The following GALNT13 variants were observed in gnomAD, a reference collection of about 807,000 sequenced individuals.
GALNT13 encodes the protein UDP-GalNAc:polypeptide N-acetylgalactosaminyltransferase 13.
A neutral mutation model predicts 64.2 loss-of-function variants in GALNT13; 28 were observed. The observed-to-expected ratio is 0.44, with a 90% CI of 0.32 to 0.60. The LOEUF (loss-of-function observed/expected upper bound fraction) is 0.60. GALNT13 is among the 20% of genes least tolerant of loss of function. The pLI, the probability that GALNT13 is intolerant of heterozygous loss-of-function variation, is 0.05. For synonymous variants in GALNT13, 214 were observed against 224.6 expected (o/e 0.95, Z 0.42); for missense variants, 577 against 669.8 (o/e 0.86, Z 1.53).
chr2:154,416,496 G>A (rs1700012986), intron 11 of GALNT13, among the ~76,000 whole-genome samples: 1 of 151,742 alleles, frequency 6.6e-6, no homozygotes, highest in African/African-American at 2.4e-5. Context: ...TTGGGAGGGG[G>A]GACTCAAACG....
intron 12 of GALNT13, chr2:154,445,729 C>T: frequency 3.1e-6 from 3 of 954,218 alleles, no homozygotes; most frequent in Non-Finnish European, 4.3e-6. Context: ...ATTAAGCTGC[C>T]TGAGAGAAGT....
the GALNT13 span, among the ~76,000 whole-genome samples, chr2:153,252,110 C>T: frequency 6.7e-6 from 1 of 148,738 alleles, no homozygotes; most frequent in African/African-American, 2.5e-5. Flanking sequence ...GTTCCTATTT[C>T]TCCACATCCT....
the GALNT13 span, among the ~76,000 whole-genome samples, chr2:153,397,322 A>T: frequency 6.6e-6 from 1 of 152,070 alleles, no homozygotes; most frequent in Non-Finnish European, 1.5e-5. Context: ...GAGTTCACAT[A>T]TTTTATTTTT....
chr2:153,572,428 T>A, the GALNT13 span, among the ~76,000 whole-genome samples: 1 of 151,734 alleles, frequency 6.6e-6, no homozygotes, highest in Non-Finnish European at 1.5e-5. Context: ...TCTTTTGTAC[T>A]TTCAATTTTA....
At chr2:153,309,358 T>C in the GALNT13 span, among the ~76,000 whole-genome samples, 1 of 152,190 alleles carries the variant, frequency 6.6e-6, no homozygotes, top group Non-Finnish European at 1.5e-5. Flanking sequence ...TTCTATAACA[T>C]GTACAAGTCC....
upstream of GALNT13, among the ~76,000 whole-genome samples, chr2:153,870,018 A>C (rs1302315144): frequency 6.6e-6 from 1 of 151,984 alleles, no homozygotes; most frequent in African/African-American, 2.4e-5. Flanking sequence ...TGAGTCCCAC[A>C]CCCTCAAGAC....
chr2:153,376,245 G>A, the GALNT13 span, among the ~76,000 whole-genome samples: 2 of 152,162 alleles, frequency 1.3e-5, no homozygotes, highest in South Asian at 4.1e-4. Context: ...CTTAAGGAAG[G>A]AAGATATGAT....
the GALNT13 span, among the ~76,000 whole-genome samples, chr2:153,140,460 A>G: frequency 1.3e-5 from 2 of 152,162 alleles, no homozygotes; most frequent in South Asian, 4.1e-4. Context: ...AGGTGAAGAA[A>G]CTGAAACAGG....
the GALNT13 span, among the ~76,000 whole-genome samples, chr2:153,855,903 A>G: frequency 6.6e-6 from 1 of 152,222 alleles, no homozygotes; most frequent in Non-Finnish European, 1.5e-5. Context: ...ATAAAAAGGA[A>G]TAAGTGCTGA....
the GALNT13 span, among the ~76,000 whole-genome samples, chr2:153,402,949 A>G: frequency 7.2e-5 from 11 of 152,114 alleles, no homozygotes; most frequent in African/African-American, 2.2e-4. Context: ...TTCTCCATCC[A>G]GCTTTGTTCC....
intron 1 of GALNT13, among the ~76,000 whole-genome samples, chr2:153,886,369 C>A (rs1031094326): frequency 1.6e-4 from 25 of 151,832 alleles, no homozygotes; most frequent in South Asian, 2.1e-4. Context: ...CCACTCCCCC[C>A]ACCCCGCAAC....
At chr2:153,472,401 T>A in the GALNT13 span, among the ~76,000 whole-genome samples, 1 of 152,348 alleles carries the variant, frequency 6.6e-6, no homozygotes, top group East Asian at 1.9e-4. Flanking sequence ...CTTACTCTTG[T>A]GGGTAGAGTA....
At position 154,357,327 on chromosome 2, in the gene GALNT13, T is replaced by G. The variant is rs559335615; in HGVS notation, c.1157-38664T>G. On this transcript the variant is annotated intron_variant, in intron 9 of 12. Transcript: ENST00000392825. ...GCTATATTTTGTAATTAAAATATTT[T>G]GTATTACTGGTGAGTATTAACCTTT... 3.3e-5 allele frequency among the ~76,000 whole-genome samples: 5 copies of G among 152,246 alleles called. No homozygotes were observed. In the South Asian group the frequency reaches 1.0e-3, roughly 32 times the overall value.
intron 2 of GALNT13, among the ~76,000 whole-genome samples, chr2:153,933,390 A>AT (rs1163162220): frequency 6.6e-6 from 1 of 152,066 alleles, no homozygotes; most frequent in Non-Finnish European, 1.5e-5. Flanking sequence ...GCAACTCAAT[A>AT]TTTTTTTGGC....
the GALNT13 span, among the ~76,000 whole-genome samples, chr2:153,312,096 A>G: frequency 2.6e-5 from 4 of 152,226 alleles, no homozygotes; most frequent in African/African-American, 9.6e-5. Flanking sequence ...AAGGTCTTCC[A>G]TGATGGTGTC....
chr2:153,658,615 T>C, the GALNT13 span, among the ~76,000 whole-genome samples: 1 of 152,146 alleles, frequency 6.6e-6, no homozygotes, highest in Non-Finnish European at 1.5e-5. Flanking sequence ...TATTTTCTTA[T>C]GATTAAGTAC....
At chr2:154,037,401 A>T (rs1698723340) in intron 3 of GALNT13, among the ~76,000 whole-genome samples, 2 of 152,178 alleles carry the variant, frequency 1.3e-5, no homozygotes, top group African/African-American at 4.8e-5. Flanking sequence ...TGGGTTTCCC[A>T]TACTGAACAG....
chr2:153,181,520 C>A, the GALNT13 span, among the ~76,000 whole-genome samples: 8 of 150,790 alleles, frequency 5.3e-5, no homozygotes, highest in African/African-American at 1.9e-4. Flanking sequence ...TCTGTTAGAT[C>A]CCTTTGGTCT....
chr2:153,654,234 A>G, the GALNT13 span, among the ~76,000 whole-genome samples: 1 of 152,174 alleles, frequency 6.6e-6, no homozygotes, highest in Non-Finnish European at 1.5e-5. Flanking sequence ...GGTGTGAAAA[A>G]TATAAGGATG....
Sources: allele counts gnomAD v4.1 joint callset (sites outside exome capture counted in the v4.1 genomes callset), GRCh38; gene constraint gnomAD v4.1.1; transcripts MANE v1.5; gene names NCBI Gene and HGNC (gene_info 2026-07-23, HGNC 2026-07-21).